HPSE2: variants seen among roughly 807,000 people sequenced by gnomAD.
The protein encoded by HPSE2 is heparanase 2 (inactive), also known as inactive heparanase-2.
A neutral mutation model predicts 60.5 loss-of-function variants in HPSE2; 38 were observed. That is an observed-to-expected ratio of 0.63 (90% CI 0.48 to 0.82). The LOEUF is 0.82. HPSE2 is among the 40% of genes least tolerant of loss of function. The pLI is 0.00. For synonymous variants in HPSE2, 295 were observed against 293.2 expected (o/e 1.01, Z -0.06); for missense variants, 713 against 740.4 (o/e 0.96, Z 0.43).
chr10:99,044,055 C>A (rs928391606), intron 3 of HPSE2, among the ~76,000 whole-genome samples: 1 of 152,104 alleles, frequency 6.6e-6, no homozygotes, highest in Non-Finnish European at 1.5e-5. Flanking sequence ...CCCTAAGGCA[C>A]ATAGTCATCA....
At chr10:98,779,475 C>T (rs1022639509) in intron 3 of HPSE2, among the ~76,000 whole-genome samples, 7 of 152,086 alleles carry the variant, frequency 4.6e-5, no homozygotes, top group African/African-American at 1.7e-4. Context: ...ACAATTTCAC[C>T]CCTTTATTCA....
chr10:98,773,091 C>A (rs1378621095), intron 3 of HPSE2, among the ~76,000 whole-genome samples: 1 of 152,124 alleles, frequency 6.6e-6, no homozygotes, highest in African/African-American at 2.4e-5. Context: ...AGATCCTAGC[C>A]AGAGGCATAG....
chr10:98,790,939 TGACACAGA>T (rs1220898785), intron 3 of HPSE2, among the ~76,000 whole-genome samples: 1 of 152,120 alleles, frequency 6.6e-6, no homozygotes, highest in Admixed American at 6.5e-5. Flanking sequence ...CAGTGTCAAA[TGACACAGA>T]GACAGGCAAA....
the HPSE2 span, among the ~76,000 whole-genome samples, chr10:99,277,301 T>A: frequency 1.3e-5 from 2 of 152,400 alleles, no homozygotes; most frequent in South Asian, 2.1e-4. Flanking sequence ...TCTCCTGGGA[T>A]GTTTACACCA....
intron 3 of HPSE2, among the ~76,000 whole-genome samples, chr10:99,102,069 G>C (rs1163662173): frequency 6.6e-6 from 1 of 151,490 alleles, no homozygotes; most frequent in Non-Finnish European, 1.5e-5. Flanking sequence ...ATCACAATTA[G>C]AACTAGAGAA....
intron 3 of HPSE2, among the ~76,000 whole-genome samples, chr10:98,790,751 T>C (rs1950638121): frequency 6.6e-6 from 1 of 152,216 alleles, no homozygotes; most frequent in Non-Finnish European, 1.5e-5. Flanking sequence ...GTGTGGTCAG[T>C]ATGTATGTAT....
chr10:98,941,711 C>T (rs1215104093), intron 3 of HPSE2, among the ~76,000 whole-genome samples: 2 of 135,084 alleles, frequency 1.5e-5, no homozygotes, highest in Admixed American at 7.4e-5. Flanking sequence ...ACTTTCTTCA[C>T]AGAATTGGAA....
chr10:98,542,886 CAAGTTGGAA>C (rs2133828703), intron 9 of HPSE2, among the ~76,000 whole-genome samples: 1 of 152,180 alleles, frequency 6.6e-6, no homozygotes, highest in South Asian at 2.1e-4. Context: ...AGAATGGAAC[CAAGTTGGAA>C]AACACTCTGC....
At chr10:98,518,323 T>C (rs1942669911) in intron 9 of HPSE2, among the ~76,000 whole-genome samples, 1 of 152,188 alleles carries the variant, frequency 6.6e-6, no homozygotes, top group South Asian at 2.1e-4. Context: ...AGAAGTTAGA[T>C]GTGGATTCTA....
chr10:98,982,508 A>T (rs1372339021), intron 3 of HPSE2, among the ~76,000 whole-genome samples: 2 of 152,226 alleles, frequency 1.3e-5, no homozygotes, highest in East Asian at 3.8e-4. Flanking sequence ...TAAAACAAAT[A>T]AATTTTTATC....
intron 3 of HPSE2, among the ~76,000 whole-genome samples, chr10:98,952,978 A>C (rs1427144422): frequency 6.6e-6 from 1 of 152,212 alleles, no homozygotes; most frequent in Non-Finnish European, 1.5e-5. Context: ...AATTCAGTCC[A>C]AAGCAGTAGT....
chr10:99,198,410 T>C (rs1368755734), intron 2 of HPSE2, among the ~76,000 whole-genome samples: 2 of 152,220 alleles, frequency 1.3e-5, no homozygotes, highest in Non-Finnish European at 2.9e-5. Context: ...AATACATCTT[T>C]GCATAAATCA....
intron 3 of HPSE2, among the ~76,000 whole-genome samples, chr10:99,110,112 T>C (rs1564815001): frequency 6.6e-6 from 1 of 152,188 alleles, no homozygotes; most frequent in Non-Finnish European, 1.5e-5. Flanking sequence ...TTCGTTGGTT[T>C]TTCCTCCTAA....
chr10:98,840,159 C>A (rs1951877298), intron 3 of HPSE2, among the ~76,000 whole-genome samples: 1 of 152,018 alleles, frequency 6.6e-6, no homozygotes, highest in Non-Finnish European at 1.5e-5. Context: ...TTAAGAAATC[C>A]TCATGAGTAT....
chr10:99,158,827 C>G (rs1320469900), intron 2 of HPSE2, among the ~76,000 whole-genome samples: 1 of 150,834 alleles, frequency 6.6e-6, no homozygotes, highest in Non-Finnish European at 1.5e-5. Context: ...TTTTAAGAAT[C>G]TTAATAATCC....
the HPSE2 span, among the ~76,000 whole-genome samples, chr10:99,256,452 C>T: frequency 6.8e-5 from 10 of 147,524 alleles, no homozygotes; most frequent in African/African-American, 1.8e-4. Flanking sequence ...GACTTCCCAG[C>T]GTCTCGAACC....
chr10:98,600,903 G>A (rs1241376084), intron 9 of HPSE2, among the ~76,000 whole-genome samples: 122 of 35,776 alleles, frequency 3.4e-3, no homozygotes, highest in African/African-American at 9.1e-3. Context: ...GTATATATAT[G>A]TGTGTGTGTA....
intron 2 of HPSE2, among the ~76,000 whole-genome samples, chr10:99,230,706 G>A (rs1849616144): frequency 6.6e-6 from 1 of 152,046 alleles, no homozygotes; most frequent in Admixed American, 6.6e-5. Context: ...GGGAGAAACA[G>A]ACCAATTTCT....
chr10:98,464,304 G>A (rs867352189), intron 11 of HPSE2, among the ~76,000 whole-genome samples: 13 of 152,270 alleles, frequency 8.5e-5, no homozygotes, highest in Middle Eastern at 3.4e-3. Flanking sequence ...GTGGAAGACC[G>A]TGACATTTGT....
Sources: gnomAD v4.1 joint callset for allele counts (sites outside exome capture counted in the v4.1 genomes callset) on GRCh38, gnomAD v4.1.1 for gene constraint, MANE v1.5 for transcripts, NCBI Gene and HGNC (gene_info 2026-07-23, HGNC 2026-07-21) for gene names.